Variants in MAF observed in about 807,000 individuals in gnomAD.
MAF encodes the protein MAF bZIP transcription factor, also known as transcription factor Maf.
Under a neutral mutation model 22.0 loss-of-function variants are expected in MAF, and 10 were observed. The observed-to-expected ratio is 0.45, with a 90% CI of 0.28 to 0.77. The LOEUF (loss-of-function observed/expected upper bound fraction) is 0.77. Ranked by LOEUF, MAF falls within the 30% of genes least tolerant of loss-of-function variation. MAF has a pLI of 0.12. For missense variants in MAF, 544 were observed against 548.4 expected, an observed-to-expected ratio of 0.99 and a Z score of 0.08; for synonymous variants, 337 against 255.8, an observed-to-expected ratio of 1.32 and a Z score of -3.03.
the MAF span, among the ~76,000 whole-genome samples, chr16:79,500,717 C>A: frequency 6.6e-6 from 1 of 152,132 alleles, no homozygotes; most frequent in Non-Finnish European, 1.5e-5. Flanking sequence ...ACTGCATCAG[C>A]ATCACAGTGA....
chr16:79,471,895 G>A, the MAF span, among the ~76,000 whole-genome samples: 1 of 152,168 alleles, frequency 6.6e-6, no homozygotes, highest in Non-Finnish European at 1.5e-5. Context: ...GGTGATATGA[G>A]TGACATCACT....
At chr16:79,403,760 T>C in the MAF span, among the ~76,000 whole-genome samples, 2 of 152,194 alleles carry the variant, frequency 1.3e-5, no homozygotes, top group Non-Finnish European at 2.9e-5. Flanking sequence ...ATACGATCTA[T>C]ATTTCTGAAC....
chr16:79,361,040 C>T, the MAF span, among the ~76,000 whole-genome samples: 1 of 152,206 alleles, frequency 6.6e-6, no homozygotes, highest in African/African-American at 2.4e-5. Flanking sequence ...AAACACATTC[C>T]AGCACACACT....
At chr16:79,477,544 G>C in the MAF span, among the ~76,000 whole-genome samples, 1 of 152,166 alleles carries the variant, frequency 6.6e-6, no homozygotes, top group Non-Finnish European at 1.5e-5. Context: ...TGTACCACAT[G>C]ACAAGCATGG....
the MAF span, among the ~76,000 whole-genome samples, chr16:79,477,509 A>G: frequency 6.6e-6 from 1 of 152,198 alleles, no homozygotes; most frequent in Non-Finnish European, 1.5e-5. Context: ...TCACAGTAGG[A>G]GAGGAACTAA....
At chr16:79,235,634 G>C in the MAF span, among the ~76,000 whole-genome samples, 1 of 151,934 alleles carries the variant, frequency 6.6e-6, no homozygotes, top group African/African-American at 2.4e-5. Flanking sequence ...TTCTCATATG[G>C]GCAACTCTAT....
chr16:79,307,138 T>C, the MAF span, among the ~76,000 whole-genome samples: 1 of 152,184 alleles, frequency 6.6e-6, no homozygotes, highest in Non-Finnish European at 1.5e-5. Flanking sequence ...GCAGTCCATG[T>C]GGAGATGAAA....
At chr16:79,478,826 G>C in the MAF span, among the ~76,000 whole-genome samples, 1 of 151,178 alleles carries the variant, frequency 6.6e-6, no homozygotes, top group Non-Finnish European at 1.5e-5. Flanking sequence ...TGGCATACCT[G>C]TATCCCATCA....
the MAF span, among the ~76,000 whole-genome samples, chr16:79,216,482 G>A: frequency 0.025 from 3,743 of 152,244 alleles, 43 homozygotes; most frequent in Admixed American, 0.04. Flanking sequence ...GTACCCATAT[G>A]ACTATTGTTT....
At chr16:79,308,772 A>C in the MAF span, among the ~76,000 whole-genome samples, 1 of 152,192 alleles carries the variant, frequency 6.6e-6, no homozygotes, top group African/African-American at 2.4e-5. Flanking sequence ...AGAAAGTTGC[A>C]GAGCTGGAAA....
At chr16:79,342,168 G>C in the MAF span, among the ~76,000 whole-genome samples, 1 of 152,178 alleles carries the variant, frequency 6.6e-6, no homozygotes, top group Non-Finnish European at 1.5e-5. Flanking sequence ...TCACCCGGCA[G>C]GTAGGTGGCA....
chr16:79,387,296 T>G, the MAF span, among the ~76,000 whole-genome samples: 1 of 152,226 alleles, frequency 6.6e-6, no homozygotes, highest in South Asian at 2.1e-4. Context: ...TCCATAAGCA[T>G]GTCTAAGGGA....
the MAF span, among the ~76,000 whole-genome samples, chr16:79,561,184 C>T: frequency 1.3e-5 from 2 of 152,176 alleles, no homozygotes; most frequent in African/African-American, 4.8e-5. Context: ...GCCCCTTACA[C>T]ATTAACAGAA....
the MAF span, among the ~76,000 whole-genome samples, chr16:79,313,228 A>C: frequency 1.3e-5 from 2 of 152,216 alleles, no homozygotes; most frequent in African/African-American, 4.8e-5. Flanking sequence ...CTAACAAAAA[A>C]AGAGGAGAAG....
At chr16:79,348,230 C>A in the MAF span, among the ~76,000 whole-genome samples, 1 of 152,206 alleles carries the variant, frequency 6.6e-6, no homozygotes, top group Non-Finnish European at 1.5e-5. Context: ...CTTTGGAGAG[C>A]CTTGAAGCTC....
chr16:79,454,037 G>C, the MAF span, among the ~76,000 whole-genome samples: 1 of 151,996 alleles, frequency 6.6e-6, no homozygotes, highest in Non-Finnish European at 1.5e-5. Context: ...TCTACAACTG[G>C]CCAACTCCTA....
At chr16:79,432,868 T>G in the MAF span, among the ~76,000 whole-genome samples, 6 of 152,218 alleles carry the variant, frequency 3.9e-5, no homozygotes, top group East Asian at 1.2e-3. Context: ...GAACAGACTC[T>G]CCTTCATGCC....
chr16:79,598,139 A>G lies in MAF; in HGVS notation c.1118+646T>C, dbSNP rs570391217. 85 of 1,049,118 alleles carry G rather than the reference A, an allele frequency of 8.1e-5. No homozygotes were observed. In the African/African-American group the frequency reaches 1.4e-3, roughly 17 times the overall value. The allele number at this position is 1,049,118 out of a possible 1,614,324, so 65.0% of individuals were successfully genotyped here. ...TTGCAAGCTCAATCTCACATGAAGA[A>G]CTCAGGAGAAGAAAAAAAAACTTTG... On this transcript the variant is annotated intron_variant, in intron 1 of 1. Transcript: ENST00000326043.
chr16:79,372,918 T>G, the MAF span, among the ~76,000 whole-genome samples: 12 of 152,156 alleles, frequency 7.9e-5, no homozygotes, highest in Admixed American at 3.3e-4. Context: ...AGAACATTCT[T>G]TCCTCCCCTC....
Sources: gnomAD v4.1 joint callset for allele counts (sites outside exome capture counted in the v4.1 genomes callset) on GRCh38, gnomAD v4.1.1 for gene constraint, MANE v1.5 for transcripts, NCBI Gene and HGNC (gene_info 2026-07-23, HGNC 2026-07-21) for gene names.